CSMD1: variants seen among roughly 807,000 people sequenced by gnomAD.
CSMD1 encodes CUB and Sushi multiple domains 1.
Under a neutral mutation model 417.5 loss-of-function variants are expected in CSMD1, and 213 were observed. That is an observed-to-expected ratio of 0.51 (90% confidence interval 0.46 to 0.57). The LOEUF (loss-of-function observed/expected upper bound fraction) is 0.57. Among genes scored for constraint, CSMD1 ranks in the 20% least tolerant of loss-of-function variants. CSMD1 has a pLI of 0.00. For missense variants in CSMD1, 6,923 were observed against 4,529.7 expected (o/e 1.53, Z -15.17); for synonymous variants, 2,862 against 1,736.8 (o/e 1.65, Z -16.11).
chr8:3,994,706 T>A (rs1353149958), intron 5 of CSMD1, among the ~76,000 whole-genome samples: 1 of 152,140 alleles, frequency 6.6e-6, no homozygotes, highest in Non-Finnish European at 1.5e-5. Flanking sequence ...AATATAAAGA[T>A]AATTTTGGCA....
chr8:4,238,554 ATTAG>A (rs1055083442), intron 3 of CSMD1, among the ~76,000 whole-genome samples: 19 of 152,204 alleles, frequency 1.2e-4, no homozygotes, highest in African/African-American at 3.4e-4. Flanking sequence ...TCTGCTGGTG[ATTAG>A]TTAGACAATG....
At chr8:4,917,488 G>A (rs1806143484) in intron 1 of CSMD1, among the ~76,000 whole-genome samples, 1 of 152,056 alleles carries the variant, frequency 6.6e-6, no homozygotes, top group South Asian at 2.1e-4. Context: ...CAAAAAATTA[G>A]CCGGGCATGG....
chr8:3,371,679 G>T (rs989550133), intron 18 of CSMD1, among the ~76,000 whole-genome samples: 2 of 152,162 alleles, frequency 1.3e-5, no homozygotes, highest in Non-Finnish European at 2.9e-5. Context: ...TATGAAAGAT[G>T]TGACTAGCCT....
intron 49 of CSMD1, among the ~76,000 whole-genome samples, chr8:3,064,302 C>A (rs1298808048): frequency 6.6e-6 from 1 of 152,128 alleles, no homozygotes; most frequent in Non-Finnish European, 1.5e-5. Flanking sequence ...ATCATGAAGG[C>A]AGCTGTTCTC....
At chr8:4,642,339 G>A (rs995709374) in intron 1 of CSMD1, among the ~76,000 whole-genome samples, 1 of 152,154 alleles carries the variant, frequency 6.6e-6, no homozygotes, top group East Asian at 1.9e-4. Context: ...AAATGGCCCT[G>A]TGCCCTCATC....
At chr8:3,340,099 C>T (rs370063374) in intron 23 of CSMD1, among the ~76,000 whole-genome samples, 3 of 152,148 alleles carry the variant, frequency 2.0e-5, no homozygotes, top group African/African-American at 7.2e-5. Context: ...ATACTTGATG[C>T]CTGCCAAATG....
chr8:4,193,453 T>C (rs1799151540), intron 3 of CSMD1, among the ~76,000 whole-genome samples: 1 of 152,182 alleles, frequency 6.6e-6, no homozygotes, highest in African/African-American at 2.4e-5. Context: ...TGCCAGGTCA[T>C]GTTTTCCCTG....
chr8:4,050,375 T>A, intron 3 of CSMD1, among the ~76,000 whole-genome samples: 1 of 152,210 alleles, frequency 6.6e-6, no homozygotes, highest in East Asian at 1.9e-4. Context: ...GCAGAGAATC[T>A]ACAAACTTTT....
chr8:3,735,903 G>A (rs1014640799), intron 6 of CSMD1, among the ~76,000 whole-genome samples: 2 of 151,956 alleles, frequency 1.3e-5, no homozygotes, highest in African/African-American at 4.8e-5. Flanking sequence ...AAATAAAACA[G>A]ACAAAAATTA....
chr8:3,877,668 G>C (rs1214753327), intron 5 of CSMD1, among the ~76,000 whole-genome samples: 4 of 136,048 alleles, frequency 2.9e-5, no homozygotes, highest in South Asian at 2.2e-4. Flanking sequence ...CCCTGAATAA[G>C]GGTCTGAGCA....
At chr8:4,973,878 T>G (rs75725207) in intron 1 of CSMD1, among the ~76,000 whole-genome samples, 4 of 152,146 alleles carry the variant, frequency 2.6e-5, no homozygotes, top group African/African-American at 7.2e-5. Context: ...TCCAACACAA[T>G]CACACCTGGC....
intron 2 of CSMD1, among the ~76,000 whole-genome samples, chr8:4,462,352 A>G (rs1177884806): frequency 6.6e-6 from 1 of 152,204 alleles, no homozygotes; most frequent in Non-Finnish European, 1.5e-5. Flanking sequence ...TGAAGACCTA[A>G]ATAAATGGAA....
intron 5 of CSMD1, among the ~76,000 whole-genome samples, chr8:3,984,704 C>CATTCATAT (rs1814173678): frequency 1.4e-4 from 12 of 82,820 alleles, no homozygotes; most frequent in Admixed American, 7.6e-4. Context: ...GTGTATATAT[C>CATTCATAT]ATATATATAT....
rs111377139 is a variant in CSMD1, at chr8:3,756,559, C to G, written c.819-2517G>C. ...ATCCTAATGTAAAATATATACATAG[C>G]TAATAGTATCCAAAGCCCTCAAAAT... On this transcript the variant is annotated intron_variant, in intron 5 of 69. Transcript: ENST00000635120. 7.7e-3 allele frequency among the ~76,000 whole-genome samples: 1,173 copies of G among 152,188 alleles called. 20 individuals carry two copies. The highest frequency in any genetic ancestry group is 0.027 in the African/African-American group (1,106 of 41,522).
chr8:2,951,094 G>A lies in CSMD1; in HGVS notation c.10201+20C>T. The A allele has an allele frequency of 6.2e-7, 1 of 1,606,300 alleles. No homozygotes were observed. Among genetic ancestry groups the A allele is most frequent in the Non-Finnish European group, 8.5e-7 (1 of 1,176,584 alleles). ...TATTTCTGCTCACACCATGCGTTTA[G>A]TGAATTCTTCGGGACCTACCTGTCA... On this transcript the variant is annotated intron_variant, in intron 66 of 69. Transcript: ENST00000635120.
chr8:4,563,781 T>C (rs1391781665), intron 2 of CSMD1, among the ~76,000 whole-genome samples: 1 of 152,178 alleles, frequency 6.6e-6, no homozygotes, highest in African/African-American at 2.4e-5. Flanking sequence ...AGCCCTGTCC[T>C]AAATGTTTCT....
intron 3 of CSMD1, among the ~76,000 whole-genome samples, chr8:4,328,492 A>G (rs1269358580): frequency 6.6e-6 from 1 of 152,118 alleles, no homozygotes; most frequent in African/African-American, 2.4e-5. Context: ...CAAAAATTAG[A>G]AATACTCCTC....
intron 53 of CSMD1, 113 bp downstream of exon 53, chr8:2,999,845 T>A (rs763873006): frequency 5.5e-6 from 5 of 916,998 alleles, no homozygotes; most frequent in African/African-American, 1.7e-5. Context: ...AACTGAAAGT[T>A]TGCTGTTCCC....
At chr8:4,418,795 G>C (rs1302786534) in intron 3 of CSMD1, among the ~76,000 whole-genome samples, 2 of 151,864 alleles carry the variant, frequency 1.3e-5, no homozygotes, top group Non-Finnish European at 2.9e-5. Context: ...CTTATTCCTT[G>C]ATAGTAACGT....
Sources: allele counts gnomAD v4.1 joint callset (sites outside exome capture counted in the v4.1 genomes callset), GRCh38; gene constraint gnomAD v4.1.1; transcripts MANE v1.5; gene names NCBI Gene and HGNC (gene_info 2026-07-23, HGNC 2026-07-21).